CPXM2: variants seen among roughly 807,000 people sequenced by gnomAD.
CPXM2 encodes the protein carboxypeptidase X, M14 family member 2, also known as inactive carboxypeptidase-like protein X2.
Under a neutral mutation model 86.1 loss-of-function variants are expected in CPXM2, and 66 were observed. The observed-to-expected ratio is 0.77, with a 90% CI of 0.63 to 0.94. CPXM2 has a LOEUF of 0.94. Among genes scored for constraint, CPXM2 ranks in the 40% least tolerant of loss-of-function variants. The pLI is 0.00. For missense variants in CPXM2, 948 were observed against 1,026.3 expected (o/e 0.92, Z 1.04); for synonymous variants, 388 against 400.2 (o/e 0.97, Z 0.36).
intron 4 of CPXM2, among the ~76,000 whole-genome samples, chr10:123,803,076 T>C (rs1056696059): frequency 1.4e-5 from 2 of 147,474 alleles, no homozygotes; most frequent in Non-Finnish European, 3.0e-5. Context: ...ATTGCAAACA[T>C]CTCCTCCAAT....
chr10:123,768,198 G>T (rs1035405755), intron 9 of CPXM2, among the ~76,000 whole-genome samples: 2 of 151,970 alleles, frequency 1.3e-5, no homozygotes, highest in African/African-American at 4.8e-5. Flanking sequence ...GACCAGCCTG[G>T]CCAACCTCCT....
chr10:123,762,031 T>C lies in CPXM2; in HGVS notation c.1618A>G (p.Thr540Ala), dbSNP rs749050997. 54 of 1,613,160 alleles carry C rather than the reference T, an allele frequency of 3.3e-5. No homozygotes were observed. Among genetic ancestry groups the C allele is most frequent in the Non-Finnish European group, 4.2e-5 (50 of 1,179,752 alleles). Residue 540 changes from threonine (T) to alanine (A), a missense_variant, in exon 11 of 14, where the codon ACC becomes GCC. By Grantham distance (58) the Thr-to-Ala change is moderately conservative. Coordinates refer to ENST00000241305, the MANE Select transcript of CPXM2 (RefSeq NM_198148.3). ...VRSPWKTQEH[T>A]PTPDDHVFRW... ...AACACGTGGTCGTCGGGGGTGGGGGTGTGTTCCTGCGTCTTCCAGGGGGAC... is the reference window on the plus strand; with the variant it reads ...AACACGTGGTCGTCGGGGGTGGGGGCGTGTTCCTGCGTCTTCCAGGGGGAC...
intron 4 of CPXM2, among the ~76,000 whole-genome samples, chr10:123,800,446 C>A (rs1208060186): frequency 6.6e-6 from 1 of 152,168 alleles, no homozygotes; most frequent in Non-Finnish European, 1.5e-5. Flanking sequence ...AAAAGCACCT[C>A]GGCAACAGCT....
At chr10:123,836,357 C>T (rs1203048555) in intron 4 of CPXM2, among the ~76,000 whole-genome samples, 1 of 152,134 alleles carries the variant, frequency 6.6e-6, no homozygotes, top group Non-Finnish European at 1.5e-5. Context: ...TGCCCTGCAC[C>T]TCCAGGTAAT....
rs561186270 is a variant in CPXM2, at chr10:123,746,937, T to C, written c.2098A>G (p.Thr700Ala). The C allele has an allele frequency of 1.9e-6, 3 of 1,614,126 alleles. No individual in the cohort carries two copies. The Admixed American group carries it at 5.0e-5, about 27-fold the overall frequency. The change falls in exon 14 of 14, where the codon ACC becomes GCC. Residue 700 changes from threonine (T) to alanine (A), a missense_variant. Transcript: ENST00000241305. ...TCATAGCCAACCATACAGTTCTTGG[T>C]GGATGCAGTGAAACCTTCGGCCTTT... Reference protein sequence around the residue: ...TAKAEGFTASTKNCMVGYDMG... With the variant: ...TAKAEGFTASAKNCMVGYDMG...
At chr10:123,778,052 T>C (rs912881197) in intron 7 of CPXM2, among the ~76,000 whole-genome samples, 2 of 152,174 alleles carry the variant, frequency 1.3e-5, no homozygotes, top group African/African-American at 4.8e-5. Flanking sequence ...TCCTCCTCCC[T>C]TCTCCACCCC....
intron 2 of CPXM2, among the ~76,000 whole-genome samples, chr10:123,867,172 C>G (rs549545977): frequency 6.6e-6 from 1 of 152,260 alleles, no homozygotes; most frequent in Non-Finnish European, 1.5e-5. Flanking sequence ...CACAAGCCCA[C>G]TATCCCACAT....
At chr10:123,845,247 C>T (rs139405216) in intron 3 of CPXM2, among the ~76,000 whole-genome samples, 79 of 151,702 alleles carry the variant, frequency 5.2e-4, no homozygotes, top group African/African-American at 1.8e-3. Flanking sequence ...GGCATCAGCA[C>T]ACTAAAGAGT....
chr10:123,895,682 G>A (rs1382912193), upstream of CPXM2, among the ~76,000 whole-genome samples: 1 of 152,198 alleles, frequency 6.6e-6, no homozygotes, highest in Non-Finnish European at 1.5e-5. Flanking sequence ...GGGGCTGTGA[G>A]TCTCTCCGCG....
At chr10:123,924,521 G>T (rs558737775) in intron 2 of CPXM2, among the ~76,000 whole-genome samples, 2 of 152,340 alleles carry the variant, frequency 1.3e-5, no homozygotes, top group Admixed American at 1.3e-4. Flanking sequence ...GATTGAAAGA[G>T]TCCTAAGTGG....
intron 4 of CPXM2, among the ~76,000 whole-genome samples, chr10:123,819,152 C>T (rs1427762945): frequency 6.6e-6 from 1 of 152,106 alleles, no homozygotes; most frequent in Non-Finnish European, 1.5e-5. Context: ...GTGATTGACC[C>T]AGACTATCAA....
intron 2 of CPXM2, among the ~76,000 whole-genome samples, chr10:123,916,001 C>A (rs75559227): frequency 6.6e-6 from 1 of 152,188 alleles, no homozygotes; most frequent in African/African-American, 2.4e-5. Context: ...AAAACAGTCA[C>A]CAGCTTTGAA....
At position 123,865,418 on chromosome 10, in the gene CPXM2, C is replaced by T. The variant is rs931423530; in HGVS notation, c.404-2695G>A. The stretch of plus-strand genomic sequence containing the variant: ...AGAAACCTACCACAGCCAACTTAGA[C>T]AGGAAGGGAAATCCCTAGAGAAATG... On this transcript the variant is annotated intron_variant, in intron 2 of 13. Coordinates refer to ENST00000241305, the MANE Select transcript of CPXM2 (RefSeq NM_198148.3). This position sits in a 1 kb window ranked among gnomAD's most constrained non-coding sequence, Gnocchi z 4.7. Among the ~76,000 whole-genome samples the T allele has an allele frequency of 2.6e-5, 4 of 152,068 alleles. No individual in the cohort carries two copies. The highest frequency in any genetic ancestry group is 4.4e-5 in the Non-Finnish European group (3 of 68,014).
At chr10:123,864,181 T>C (rs1399887346) in intron 2 of CPXM2, among the ~76,000 whole-genome samples, 1 of 151,960 alleles carries the variant, frequency 6.6e-6, no homozygotes, top group African/African-American at 2.4e-5. Flanking sequence ...TATCCTGCCT[T>C]AGACACAGTC....
At chr10:123,834,568 G>C (rs1033601458) in intron 4 of CPXM2, among the ~76,000 whole-genome samples, 1 of 152,218 alleles carries the variant, frequency 6.6e-6, no homozygotes, top group African/African-American at 2.4e-5. Context: ...AGCAGGCCTG[G>C]TGTGTTTGTG....
rs768139809 is a variant in CPXM2 at position 123,746,762 on chromosome 10, G to A, written c.*2C>T. 18 of 1,613,814 alleles carry A rather than the reference G, an allele frequency of 1.1e-5. No individual in the cohort carries two copies. The South Asian group carries it at 1.9e-4, about 17-fold the overall frequency. On this transcript the variant is annotated 3_prime_UTR_variant, in exon 14 of 14. Coordinates refer to ENST00000241305, the MANE Select transcript of CPXM2 (RefSeq NM_198148.3). ...CAGACGAGTCTCAAGGGCCCAGGAG[G>A]GTCACCCACGCTGTCGTCTCTTCTG... is the stretch of plus-strand genomic sequence containing the variant.
intron 4 of CPXM2, among the ~76,000 whole-genome samples, chr10:123,802,621 G>A (rs1233638783): frequency 6.6e-6 from 1 of 152,144 alleles, no homozygotes; most frequent in Admixed American, 6.5e-5. Context: ...ATTCCTGCAT[G>A]TATATTTTAG....
At chr10:123,747,579 A>G (rs992899624) in intron 13 of CPXM2, among the ~76,000 whole-genome samples, 3 of 152,068 alleles carry the variant, frequency 2.0e-5, no homozygotes, top group African/African-American at 7.2e-5. Flanking sequence ...CCATCTATAC[A>G]TGGACGCTGT....
chr10:123,936,163 C>T (rs1354257497), intron 2 of CPXM2, among the ~76,000 whole-genome samples: 4 of 152,202 alleles, frequency 2.6e-5, no homozygotes, highest in Non-Finnish European at 4.4e-5. Context: ...GCTATTATTT[C>T]ATTTAATCCC....
Sources: allele counts gnomAD v4.1 joint callset (sites outside exome capture counted in the v4.1 genomes callset), GRCh38; gene constraint gnomAD v4.1.1; non-coding constraint Gnocchi (gnomAD v3.1); transcripts MANE v1.5; gene names NCBI Gene and HGNC (gene_info 2026-07-23, HGNC 2026-07-21).